The following GATA6 variants were observed in gnomAD, a reference collection of about 807,000 sequenced individuals.
The protein encoded by GATA6 is transcription factor GATA-6.
GATA6 carries 11 observed loss-of-function variants against 48.1 expected under a neutral mutation model. The ratio of observed to expected loss-of-function variants is 0.23; its 90% CI spans 0.14 to 0.38. The LOEUF (loss-of-function observed/expected upper bound fraction) is 0.38, where lower values mean the gene tolerates loss of function less well. Ranked by LOEUF, GATA6 falls within the 10% of genes least tolerant of loss-of-function variation. The pLI is 1.00. For synonymous variants in GATA6, 419 were observed against 396.1 expected (o/e 1.06, Z -0.69); for missense variants, 795 against 850.3 (o/e 0.93, Z 0.81).
intron 4 of GATA6, among the ~76,000 whole-genome samples, chr18:22,182,346 G>C (rs918282207): frequency 2.4e-4 from 36 of 147,444 alleles, no homozygotes; most frequent in African/African-American, 7.9e-4. Context: ...TTTATGCCAA[G>C]TTCTTTTTTT....
Position 22,172,111 on chromosome 18 carries a change from TACCACC to T in GATA6, c.993_998del (p.His332_His333del), listed in dbSNP as rs562588574. 49 of 1,462,868 alleles carry T rather than the reference TACCACC, an allele frequency of 3.3e-5. No individual in the cohort carries two copies. Among genetic ancestry groups the T allele is most frequent in the Non-Finnish European group, 3.4e-5 (38 of 1,103,988 alleles). The allele number at this position is 1,462,868 out of a possible 1,614,324, so 90.6% of individuals were successfully genotyped here. A position where few individuals can be genotyped will look rare whatever the true frequency, so the allele number is the denominator to read the frequency against. On this transcript the variant is annotated inframe_deletion, in exon 2 of 7. Transcript: ENST00000269216. This position sits in a 1 kb window ranked among gnomAD's most constrained non-coding sequence, Gnocchi z 5.2. ...GGCCGCGCGGCCGCTGAACGGGACG[TACCACC>T]ACCACCACCACCACCACCACCACCA...
chr18:22,189,158 A>G (rs1489752571), intron 6 of GATA6, among the ~76,000 whole-genome samples: 2 of 152,030 alleles, frequency 1.3e-5, no homozygotes, highest in African/African-American at 4.8e-5. Context: ...AGCTAGACCT[A>G]TTTCCCTACT....
rs976781879 is a variant in GATA6, at chr18:22,172,194, C to A, written c.1050C>A (p.Pro350=). The A allele has an allele frequency of 1.3e-6, 2 of 1,534,160 alleles. No homozygotes were observed. The highest frequency in any genetic ancestry group is 3.9e-5 in the Admixed American group (2 of 50,960). Residue 350 remains proline, a synonymous_variant, in exon 2 of 7, where the codon CCC becomes CCA. Transcript: ENST00000269216. This position sits in a 1 kb window ranked among gnomAD's most constrained non-coding sequence, Gnocchi z 5.2. ...GGGCGCCACTGACGCCTGCCTGGCC[C>A]GCCGGACCCTTCGAGACCCCGGTGC... The part of the protein sequence containing the change: ...YVGAPLTPAW[P]AGPFETPVLH...
In GATA6 at chr18:22,170,137, C is replaced by T. The variant is rs887875743; in HGVS notation, c.-38+455C>T. On this transcript the variant is annotated intron_variant, in intron 1 of 6. Coordinates refer to ENST00000269216, the MANE Select transcript of GATA6 (RefSeq NM_005257.6). The surrounding 1 kb of genome is among the most constrained non-coding windows in gnomAD (Gnocchi z 6.7). ...GAGTCTCCCTGTCATTCTTCCTGCT[C>T]TCCCATTTGGGGTCGCCTCGGCTCT... Among the ~76,000 whole-genome samples the T allele has an allele frequency of 1.3e-5, 2 of 152,222 alleles. No homozygotes were observed. The highest frequency in any genetic ancestry group is 4.8e-5 in the African/African-American group (2 of 41,466).
intron 3 of GATA6, among the ~76,000 whole-genome samples, chr18:22,179,547 G>A (rs1178846415): frequency 6.6e-6 from 1 of 152,060 alleles, no homozygotes; most frequent in Non-Finnish European, 1.5e-5. Flanking sequence ...CTTCACATTG[G>A]CTCCAAATTC....
chr18:22,186,840 G>A (rs1055541091), intron 6 of GATA6, among the ~76,000 whole-genome samples: 1 of 152,078 alleles, frequency 6.6e-6, no homozygotes, highest in Non-Finnish European at 1.5e-5. Context: ...ACCTGTGTCT[G>A]GGCAAAAAGG....
At position 22,170,751 on chromosome 18, in the gene GATA6, G is replaced by A. The variant is rs552596402; in HGVS notation, c.-37-357G>A. Among the ~76,000 whole-genome samples, 4 of 152,188 alleles carry A rather than the reference G, an allele frequency of 2.6e-5. No individual in the cohort carries two copies. The South Asian group carries it at 6.2e-4, about 24-fold the overall frequency. The stretch of plus-strand genomic sequence containing the variant: ...CCGGGGGAGACACTTTAGGGCGGAA[G>A]GAAAGCCTCAGCCAGCTTCTGCAGA... On this transcript the variant is annotated intron_variant, in intron 1 of 6. Coordinates refer to ENST00000269216, the MANE Select transcript of GATA6 (RefSeq NM_005257.6). This position sits in a 1 kb window ranked among gnomAD's most constrained non-coding sequence, Gnocchi z 6.7.
intron 6 of GATA6, among the ~76,000 whole-genome samples, chr18:22,186,594 C>T (rs1468559842): frequency 1.3e-5 from 2 of 152,110 alleles, no homozygotes; most frequent in African/African-American, 4.8e-5. Context: ...CTCTCTTGGC[C>T]AGGACGAAAG....
At chr18:22,180,452 G>A (rs1488337897) in intron 3 of GATA6, among the ~76,000 whole-genome samples, 3 of 152,112 alleles carry the variant, frequency 2.0e-5, no homozygotes, top group Non-Finnish European at 4.4e-5. Context: ...GCAGACAGGT[G>A]GCCTTTTACC....
intron 2 of GATA6, among the ~76,000 whole-genome samples, chr18:22,173,202 GTGTGGGAGCCC>G (rs772532220): frequency 3.9e-5 from 6 of 152,256 alleles, no homozygotes; most frequent in Non-Finnish European, 5.9e-5. Context: ...CAGCACAGGA[GTGTGGGAGCCC>G]TGTTAGGCTG....
In GATA6 at chr18:22,170,344, G is replaced by T. The variant is rs948015830; in HGVS notation, c.-38+662G>T. 1.3e-5 allele frequency among the ~76,000 whole-genome samples: 2 copies of T among 152,232 alleles called. No individual in the cohort carries two copies. Among genetic ancestry groups the T allele is most frequent in the East Asian group, 3.9e-4 (2 of 5,192 alleles). On this transcript the variant is annotated intron_variant, in intron 1 of 6. Coordinates refer to ENST00000269216, the MANE Select transcript of GATA6 (RefSeq NM_005257.6). The surrounding 1 kb of genome is among the most constrained non-coding windows in gnomAD (Gnocchi z 6.7). ...CGCGCACGCTGGTGGCTGCAGGCGCGGGCCGTGTCTAAGGTGTGCGGCGCC... is the reference window on the plus strand; with the variant it reads ...CGCGCACGCTGGTGGCTGCAGGCGCTGGCCGTGTCTAAGGTGTGCGGCGCC...
intron 3 of GATA6, among the ~76,000 whole-genome samples, chr18:22,177,944 GTTTTTTTGTTTT>G (rs1276658740): frequency 7.7e-5 from 6 of 77,886 alleles, no homozygotes; most frequent in African/African-American, 3.1e-4. Context: ...ACGTTTTACT[GTTTTTTTGTTTT>G]TTTTTTTTTT....
rs2033253992 is a variant in GATA6, at chr18:22,185,671, G to A, written c.1620+2628G>A. 6.6e-6 allele frequency among the ~76,000 whole-genome samples: 1 copy of A among 152,236 alleles called. No individual in the cohort carries two copies. The highest frequency in any genetic ancestry group is 1.5e-5 in the Non-Finnish European group (1 of 68,042). On this transcript the variant is annotated intron_variant, in intron 6 of 6. Transcript: ENST00000269216. This position sits in a 1 kb window ranked among gnomAD's most constrained non-coding sequence, Gnocchi z 4.3. The stretch of plus-strand genomic sequence containing the variant: ...AAAGCCTCTACCTGCTGTGGCCATT[G>A]TGGGGAAACAGCTACTCGTCTGCTG...
At chr18:22,176,160 C>T (rs574229840) in intron 2 of GATA6, among the ~76,000 whole-genome samples, 3 of 152,238 alleles carry the variant, frequency 2.0e-5, no homozygotes, top group Admixed American at 1.3e-4. Flanking sequence ...TCAAAATGAT[C>T]ACTGGGAAGG....
chr18:22,193,971 A>G (rs1004618165), intron 6 of GATA6, among the ~76,000 whole-genome samples: 5 of 152,112 alleles, frequency 3.3e-5, no homozygotes, highest in Admixed American at 2.0e-4. Context: ...ATGAAGGAAA[A>G]CAGAGACACT....
At chr18:22,192,797 A>AAACCCT (rs1242799221) in intron 6 of GATA6, among the ~76,000 whole-genome samples, 1 of 152,218 alleles carries the variant, frequency 6.6e-6, no homozygotes, top group African/African-American at 2.4e-5. Context: ...GTTGTGGGAC[A>AAACCCT]AACCCTCTCC....
chr18:22,180,952 G>T (rs1256955413), intron 3 of GATA6, among the ~76,000 whole-genome samples: 1 of 151,976 alleles, frequency 6.6e-6, no homozygotes, highest in Non-Finnish European at 1.5e-5. Context: ...GTGGGGGGTG[G>T]GCGGCAGGGA....
In GATA6 at chr18:22,185,999, C is replaced by T. The variant is rs2033258594; in HGVS notation, c.1620+2956C>T. The stretch of plus-strand genomic sequence containing the variant: ...CACAGTGCATAATGTTAGAGGGCAG[C>T]TGGCTTTGTGACTGATTGCCTGTAG... On this transcript the variant is annotated intron_variant, in intron 6 of 6. Transcript: ENST00000269216. This position sits in a 1 kb window ranked among gnomAD's most constrained non-coding sequence, Gnocchi z 4.3. Among the ~76,000 whole-genome samples the T allele has an allele frequency of 6.6e-6, 1 of 152,198 alleles. No individual in the cohort carries two copies. Among genetic ancestry groups the T allele is most frequent in the African/African-American group, 2.4e-5 (1 of 41,440 alleles).
intron 3 of GATA6, 61 bp downstream of exon 3, chr18:22,177,182 G>A: frequency 1.4e-6 from 2 of 1,452,050 alleles, no homozygotes; most frequent in Non-Finnish European, 1.8e-6. Flanking sequence ...TGGCCCGGCC[G>A]GCCCCGCCCT....
Sources: gnomAD v4.1 joint callset for allele counts (sites outside exome capture counted in the v4.1 genomes callset) on GRCh38, gnomAD v4.1.1 for gene constraint, Gnocchi (gnomAD v3.1) non-coding constraint, MANE v1.5 for transcripts, NCBI Gene and HGNC (gene_info 2026-07-23, HGNC 2026-07-21) for gene names.